The following UNC79 variants were observed in gnomAD, a reference collection of about 807,000 sequenced individuals.
The protein encoded by UNC79 is protein unc-79 homolog.
A neutral mutation model predicts 283.1 loss-of-function variants in UNC79; 37 were observed. The observed-to-expected ratio is 0.13, with a 90% CI of 0.10 to 0.17. The LOEUF (loss-of-function observed/expected upper bound fraction) is 0.17, where lower values mean the gene tolerates loss of function less well. UNC79 is among the 10% of genes least tolerant of loss of function. The probability of loss-of-function intolerance (pLI) is 1.00; values close to 1 mark genes in which losing one functional copy is unlikely to be tolerated. For synonymous variants in UNC79, 1,107 were observed against 1,200.2 expected (o/e 0.92, Z 1.61); for missense variants, 2,272 against 3,211.1 (o/e 0.71, Z 7.07).
intron 42 of UNC79, among the ~76,000 whole-genome samples, 177 bp from the exon 46 acceptor site, chr14:93,686,395 T>C (rs1247724662): frequency 6.6e-6 from 1 of 152,136 alleles, no homozygotes; most frequent in African/African-American, 2.4e-5. Context: ...AAACCTTCTA[T>C]CAATTTTTGT....
intron 40 of UNC79, among the ~76,000 whole-genome samples, chr14:93,663,268 G>A (rs567324725): frequency 7.9e-5 from 12 of 152,200 alleles, no homozygotes; most frequent in South Asian, 6.2e-4. Flanking sequence ...AGAACCCCTG[G>A]CCCACTACTG....
intron 1 of UNC79, among the ~76,000 whole-genome samples, chr14:93,456,229 T>C (rs1405372797): frequency 6.6e-6 from 1 of 152,122 alleles, no homozygotes; most frequent in Non-Finnish European, 1.5e-5. Flanking sequence ...CAAATCTTGT[T>C]TGGCTTCTGA....
rs112093222 is a variant in UNC79 at position 93,417,948 on chromosome 14, T to C, written c.-350-49723T>C. On this transcript the variant is annotated intron_variant, in intron 1 of 49. Transcript: ENST00000256339. ...CTAAATTTTTTTCAAAGTTTTCGAC[T>C]TCTTTGACTTTGGTTTGAATTTCCT... is the stretch of plus-strand genomic sequence containing the variant. Among the ~76,000 whole-genome samples, 572 of 151,932 alleles carry C rather than the reference T, an allele frequency of 3.8e-3. 9 individuals are homozygous for C. Among genetic ancestry groups the C allele is most frequent in the African/African-American group, 0.013 (545 of 41,534 alleles).
At chr14:93,357,496 C>G (rs2139929777) in intron 1 of UNC79, among the ~76,000 whole-genome samples, 1 of 151,752 alleles carries the variant, frequency 6.6e-6, no homozygotes, top group African/African-American at 2.4e-5. Flanking sequence ...CGTGAAAACA[C>G]TAGACTGGCT....
chr14:93,547,739 C>A (rs2061672911), intron 14 of UNC79, among the ~76,000 whole-genome samples: 2 of 152,016 alleles, frequency 1.3e-5, no homozygotes, highest in African/African-American at 4.8e-5. Flanking sequence ...GCCTGTAATC[C>A]CAGCACTTTG....
intron 31 of UNC79, among the ~76,000 whole-genome samples, chr14:93,633,022 C>T (rs1393111037): frequency 2.6e-5 from 4 of 151,908 alleles, no homozygotes; most frequent in Non-Finnish European, 5.9e-5. Flanking sequence ...TTTGAAAACA[C>T]CTGAGAATTG....
At chr14:93,368,517 G>T (rs1252935154) in intron 1 of UNC79, among the ~76,000 whole-genome samples, 3 of 151,964 alleles carry the variant, frequency 2.0e-5, no homozygotes, top group Non-Finnish European at 4.4e-5. Flanking sequence ...CTGTCGTCCA[G>T]GCTGGAGTGC....
chr14:93,547,317 T>C (rs1248040073), intron 14 of UNC79, among the ~76,000 whole-genome samples: 2 of 152,240 alleles, frequency 1.3e-5, no homozygotes, highest in Non-Finnish European at 2.9e-5. Flanking sequence ...TTCCATAGAC[T>C]TCAACTTATC....
Position 93,621,982 on chromosome 14 carries a change from AAAC to A in UNC79, c.4750_4752del (p.Asn1584del). On this transcript the variant is annotated inframe_deletion, in exon 30 of 49. Transcript: ENST00000555664. This position sits in a 1 kb window ranked among gnomAD's most constrained non-coding sequence, Gnocchi z 4.8. The stretch of plus-strand genomic sequence containing the variant: ...GGCCTGTCATACCAGAGGTTAGGTT[AAAC>A]TGTATGGAGACTTTCGAGGTGAAAG... The A allele has an allele frequency of 6.2e-7, 1 of 1,614,092 alleles. No individual in the cohort carries two copies. The highest frequency in any genetic ancestry group is 2.2e-5 in the East Asian group (1 of 44,864).
At chr14:93,562,335 C>T (rs1241506168) in intron 14 of UNC79, among the ~76,000 whole-genome samples, 1 of 152,142 alleles carries the variant, frequency 6.6e-6, no homozygotes, top group Non-Finnish European at 1.5e-5. Context: ...AGATTAGCAG[C>T]CTGGCAAATT....
At chr14:93,457,054 G>A (rs2056816033) in intron 1 of UNC79, among the ~76,000 whole-genome samples, 1 of 152,196 alleles carries the variant, frequency 6.6e-6, no homozygotes, top group African/African-American at 2.4e-5. Flanking sequence ...GGAAGAGGAG[G>A]TAGTGGAAAC....
intron 40 of UNC79, among the ~76,000 whole-genome samples, chr14:93,666,656 TTA>T (rs2072233655): frequency 6.6e-6 from 1 of 152,080 alleles, no homozygotes; most frequent in Non-Finnish European, 1.5e-5. Flanking sequence ...AAATTCACAG[TTA>T]TACAGGGAGA....
chr14:93,412,933 G>T (rs1279246478), intron 1 of UNC79, among the ~76,000 whole-genome samples: 2 of 152,024 alleles, frequency 1.3e-5, no homozygotes, highest in East Asian at 1.9e-4. Flanking sequence ...TGAGCAAAAA[G>T]AAATCGTCTT....
intron 26 of UNC79, among the ~76,000 whole-genome samples, chr14:93,611,377 C>T (rs959569964): frequency 2.0e-5 from 3 of 152,146 alleles, no homozygotes; most frequent in Non-Finnish European, 4.4e-5. Context: ...ACTATCCCTT[C>T]TCAGCAGTTC....
In UNC79 at chr14:93,617,083, G is replaced by A. The variant is rs185412970; in HGVS notation, c.4042-39G>A. 2.6e-6 allele frequency: 4 copies of A among 1,564,388 alleles called. No individual in the cohort carries two copies. The highest frequency in any genetic ancestry group is 3.5e-6 in the Non-Finnish European group (4 of 1,149,816). On this transcript the variant is annotated intron_variant, in intron 27 of 48. Transcript: ENST00000555664. The surrounding 1 kb of genome is among the most constrained non-coding windows in gnomAD (Gnocchi z 4.5). ...TCCTTTTGACCTCTGAGTGTTCTTT[G>A]TAGTTTTCCATCAGTTATTAATATT...
At chr14:93,574,198 T>TC (rs11292338) in intron 16 of UNC79, among the ~76,000 whole-genome samples, 2 of 152,106 alleles carry the variant, frequency 1.3e-5, no homozygotes, top group African/African-American at 4.8e-5. Flanking sequence ...TACAGCTTTG[T>TC]CCCCCCCTAT....
chr14:93,496,571 G>T (rs112986715), intron 6 of UNC79, 105 bp downstream of exon 6: 5 of 679,726 alleles, frequency 7.4e-6, no homozygotes, highest in African/African-American at 3.7e-5. Flanking sequence ...ATTTATTGAC[G>T]TCCTATTATT....
intron 47 of UNC79, among the ~76,000 whole-genome samples, chr14:93,700,053 C>A (rs1246348306): frequency 7.1e-6 from 1 of 140,076 alleles, no homozygotes; most frequent in Non-Finnish European, 1.5e-5. Context: ...GTATTGAATT[C>A]TAGATGGATG....
At chr14:93,338,350 A>G (rs1566876932) in intron 1 of UNC79, among the ~76,000 whole-genome samples, 1 of 152,092 alleles carries the variant, frequency 6.6e-6, no homozygotes, top group African/African-American at 2.4e-5. Flanking sequence ...GCCTTCCACC[A>G]TGATTATAAA....
Sources: gnomAD v4.1 joint callset for allele counts (sites outside exome capture counted in the v4.1 genomes callset) on GRCh38, gnomAD v4.1.1 for gene constraint, Gnocchi (gnomAD v3.1) non-coding constraint, MANE v1.5 for transcripts, NCBI Gene and HGNC (gene_info 2026-07-23, HGNC 2026-07-21) for gene names.